Variants in FARS2 observed in about 807,000 individuals in gnomAD.
The protein encoded by FARS2 is phenylalanyl-tRNA synthetase 2, mitochondrial, also known as phenylalanine--tRNA ligase, mitochondrial.
Under a neutral mutation model 46.4 loss-of-function variants are expected in FARS2, and 40 were observed. The observed-to-expected ratio is 0.86, with a 90% CI of 0.67 to 1.12. The LOEUF is 1.12. Among genes scored for constraint, FARS2 ranks in the 50% most tolerant of loss-of-function variants. The pLI is 0.00. For missense variants in FARS2, 513 were observed against 567.9 expected, an observed-to-expected ratio of 0.90 and a Z score of 0.98; for synonymous variants, 234 against 214.9, an observed-to-expected ratio of 1.09 and a Z score of -0.78.
chr6:5,566,759 C>A (rs932611175), intron 5 of FARS2, among the ~76,000 whole-genome samples: 167 of 152,316 alleles, frequency 1.1e-3, no homozygotes, highest in African/African-American at 3.9e-3. Flanking sequence ...CCTTTTAAAT[C>A]CCTTGTTACT....
chr6:5,672,635 C>G (rs912448775), intron 6 of FARS2, among the ~76,000 whole-genome samples: 3 of 152,172 alleles, frequency 2.0e-5, no homozygotes, highest in South Asian at 4.1e-4. Flanking sequence ...AATAATAAAG[C>G]ATTTCTACAC....
chr6:5,307,493 G>A (rs376552267), intron 1 of FARS2, among the ~76,000 whole-genome samples: 9 of 152,136 alleles, frequency 5.9e-5, no homozygotes, highest in African/African-American at 1.7e-4. Flanking sequence ...ACACACACGC[G>A]TGCACACACA....
In FARS2 at chr6:5,268,372, A is replaced by G. The variant is rs551572044; in HGVS notation, c.-22+6712A>G. On this transcript the variant is annotated intron_variant, in intron 1 of 6. Transcript: ENST00000274680. ...TTAAGTCTTTAATCCATCTCACATT[A>G]ATTTTTGTATAAGGTGTAAGGAAGG... is the stretch of plus-strand genomic sequence containing the variant. Among the ~76,000 whole-genome samples the G allele has an allele frequency of 2.0e-5, 3 of 152,240 alleles. No individual in the cohort carries two copies. In the South Asian group the frequency reaches 6.2e-4, roughly 32 times the overall value.
intron 6 of FARS2, among the ~76,000 whole-genome samples, chr6:5,662,658 A>G (rs1193841253): frequency 6.6e-6 from 1 of 152,236 alleles, no homozygotes; most frequent in Non-Finnish European, 1.5e-5. Context: ...TATCAAAACT[A>G]TAATTATCTT....
intron 6 of FARS2, among the ~76,000 whole-genome samples, chr6:5,631,544 AGCCAGG>A (rs1184809139): frequency 2.6e-5 from 4 of 152,236 alleles, no homozygotes; most frequent in Non-Finnish European, 5.9e-5. Flanking sequence ...TAGAGAATGT[AGCCAGG>A]GCCCTCTAAG....
intron 1 of FARS2, among the ~76,000 whole-genome samples, chr6:5,283,969 A>G (rs1047424519): frequency 2.6e-5 from 4 of 152,246 alleles, no homozygotes; most frequent in Admixed American, 2.0e-4. Flanking sequence ...TAAAGGATAT[A>G]TGCATTTAAA....
intron 1 of FARS2, among the ~76,000 whole-genome samples, chr6:5,267,348 T>A (rs1212338165): frequency 6.6e-6 from 1 of 152,186 alleles, no homozygotes; most frequent in Non-Finnish European, 1.5e-5. Context: ...TTTCATATTG[T>A]CTGGATATTT....
chr6:5,504,244 T>A (rs564351823), intron 4 of FARS2, among the ~76,000 whole-genome samples: 2 of 152,076 alleles, frequency 1.3e-5, no homozygotes, highest in Non-Finnish European at 2.9e-5. Context: ...TATATCACAA[T>A]GGAATGAAGT....
intron 2 of FARS2, among the ~76,000 whole-genome samples, chr6:5,375,665 A>G (rs977380587): frequency 1.3e-5 from 2 of 152,082 alleles, no homozygotes; most frequent in Non-Finnish European, 2.9e-5. Flanking sequence ...GAACATTGCA[A>G]CAGCTCTACT....
intron 4 of FARS2, among the ~76,000 whole-genome samples, chr6:5,450,319 G>A (rs1243663695): frequency 6.6e-6 from 1 of 151,944 alleles, no homozygotes; most frequent in Non-Finnish European, 1.5e-5. Flanking sequence ...CTCCTACTCT[G>A]AGATGTGAGG....
At position 5,336,260 on chromosome 6, in the gene FARS2, A is replaced by G. The variant is rs1220884526; in HGVS notation, c.-21-32290A>G. ...AGGAGAAAAAAAAAACCTTAGTTCT[A>G]AATATATCACTTCAGGGTTATAAAA... is the stretch of plus-strand genomic sequence containing the variant. On this transcript the variant is annotated intron_variant, in intron 1 of 6. Transcript: ENST00000274680. Among the ~76,000 whole-genome samples, 3 of 152,212 alleles carry G rather than the reference A, an allele frequency of 2.0e-5. No homozygotes were observed. In the East Asian group the frequency reaches 5.8e-4, roughly 29 times the overall value.
At chr6:5,266,689 A>G (rs1765572283) in intron 1 of FARS2, among the ~76,000 whole-genome samples, 1 of 152,200 alleles carries the variant, frequency 6.6e-6, no homozygotes, top group South Asian at 2.1e-4. Context: ...CTTGGATAAC[A>G]TGGGTACATT....
intron 5 of FARS2, among the ~76,000 whole-genome samples, chr6:5,593,602 C>T (rs890765958): frequency 2.6e-5 from 4 of 152,130 alleles, no homozygotes; most frequent in East Asian, 1.9e-4. Context: ...TCACACTTTC[C>T]GTGGGAACAA....
At chr6:5,706,099 C>T (rs1758738457) in intron 6 of FARS2, among the ~76,000 whole-genome samples, 1 of 152,164 alleles carries the variant, frequency 6.6e-6, no homozygotes, top group Non-Finnish European at 1.5e-5. Flanking sequence ...TGCTCCACCT[C>T]AGATCATCAG....
chr6:5,744,444 G>A lies in FARS2; in HGVS notation c.1218-26847G>A, dbSNP rs116792408. On this transcript the variant is annotated intron_variant, in intron 6 of 6. Transcript: ENST00000274680. ...ACAGCAGTCCTCTGAGATAAGTACCGTTAAGTCTCCGTTTATAGATGAGGA... is the reference window on the plus strand; with the variant it reads ...ACAGCAGTCCTCTGAGATAAGTACCATTAAGTCTCCGTTTATAGATGAGGA... Among the ~76,000 whole-genome samples the A allele has an allele frequency of 6.9e-3, 1,045 of 152,304 alleles. 10 individuals carry two copies. The highest frequency in any genetic ancestry group is 0.022 in the African/African-American group (923 of 41,566).
intron 4 of FARS2, among the ~76,000 whole-genome samples, chr6:5,544,207 G>GCCAGGAGGTGGATCTCTCTCCAATC (rs1491523257): frequency 1.3e-5 from 2 of 152,206 alleles, no homozygotes; most frequent in Admixed American, 1.3e-4. Context: ...CCTCTTCACA[G>GCCAGGAGGTGGATCTCTCTCCAATC]CCAGGAGGTG....
chr6:5,255,682 C>A, the FARS2 span, among the ~76,000 whole-genome samples: 5 of 152,048 alleles, frequency 3.3e-5, no homozygotes, highest in African/African-American at 4.8e-5. Flanking sequence ...AGAATAGCAT[C>A]CGTAGCCACG....
At chr6:5,256,491 G>GAAAAAAAAAAAAAA (rs1161084364), upstream of FARS2, among the ~76,000 whole-genome samples, 1 of 43,860 alleles carries the variant, frequency 2.3e-5, no homozygotes, top group Non-Finnish European at 3.6e-5. Flanking sequence ...ATTTCAACTG[G>GAAAAAAAAAAAAAA]AAAAAAAAAA....
chr6:5,587,368 G>A (rs1279652902), intron 5 of FARS2, among the ~76,000 whole-genome samples: 2 of 152,148 alleles, frequency 1.3e-5, no homozygotes, highest in East Asian at 3.8e-4. Flanking sequence ...GAGATTTTAG[G>A]TTAGTGAGGA....
Sources: gnomAD v4.1 joint callset for allele counts (sites outside exome capture counted in the v4.1 genomes callset) on GRCh38, gnomAD v4.1.1 for gene constraint, MANE v1.5 for transcripts, NCBI Gene and HGNC (gene_info 2026-07-23, HGNC 2026-07-21) for gene names.